Variants in EDNRA observed in about 807,000 individuals in gnomAD.
The protein encoded by EDNRA is endothelin-1 receptor.
Under a neutral mutation model 41.4 loss-of-function variants are expected in EDNRA, and 11 were observed. The observed-to-expected ratio is 0.27, with a 90% CI of 0.17 to 0.44. EDNRA has a LOEUF of 0.44. Among genes scored for constraint, EDNRA ranks in the 20% least tolerant of loss-of-function variants. The pLI, the probability that EDNRA is intolerant of heterozygous loss-of-function variation, is 1.00. For synonymous variants in EDNRA, 172 were observed against 183.0 expected (o/e 0.94, Z 0.49); for missense variants, 294 against 531.0 (o/e 0.55, Z 4.39).
chr4:147,516,314 T>C lies in EDNRA; in HGVS notation c.421-3537T>C, dbSNP rs188642672. ...ATGGCAGCCTCTCTTCAGCCTAGAC[T>C]CTTAAATAGCACAGTATTCTCCCAC... On this transcript the variant is annotated intron_variant, in intron 2 of 7. Transcript: ENST00000651419. 2.0e-5 allele frequency among the ~76,000 whole-genome samples: 3 copies of C among 152,362 alleles called. No homozygotes were observed. In the East Asian group the frequency reaches 5.8e-4, roughly 29 times the overall value.
intron 4 of EDNRA, among the ~76,000 whole-genome samples, chr4:147,533,839 G>A (rs1730830850): frequency 6.6e-6 from 1 of 152,184 alleles, no homozygotes; most frequent in Non-Finnish European, 1.5e-5. Flanking sequence ...GTTTCATAAA[G>A]ACTGTCTCCT....
chr4:147,517,345 A>T (rs1023046584), intron 2 of EDNRA, among the ~76,000 whole-genome samples: 6 of 152,180 alleles, frequency 3.9e-5, no homozygotes, highest in African/African-American at 1.4e-4. Context: ...CTTTGAATGT[A>T]GGACTGCTCC....
chr4:147,528,695 A>G (rs906536893), intron 3 of EDNRA, among the ~76,000 whole-genome samples: 6 of 152,124 alleles, frequency 3.9e-5, no homozygotes, highest in African/African-American at 1.4e-4. Flanking sequence ...AATAAATAGA[A>G]CATTGTTGGT....
At chr4:147,529,053 T>C (rs2126467776) in intron 3 of EDNRA, among the ~76,000 whole-genome samples, 1 of 152,350 alleles carries the variant, frequency 6.6e-6, no homozygotes, top group Non-Finnish European at 1.5e-5. Flanking sequence ...ATGGCAATCA[T>C]CAAGGCACTG....
chr4:147,500,288 T>A (rs1729469345), intron 2 of EDNRA, among the ~76,000 whole-genome samples: 1 of 152,232 alleles, frequency 6.6e-6, no homozygotes, highest in Admixed American at 6.5e-5. Flanking sequence ...AGAAAGGCCA[T>A]GTCTTAGACA....
In EDNRA at chr4:147,543,569, G is replaced by A. The variant is rs541312488; in HGVS notation, c.*951G>A. The A allele has an allele frequency of 2.0e-5, 3 of 152,176 alleles. No homozygotes were observed. Among genetic ancestry groups the A allele is most frequent in the South Asian group, 4.1e-4 (2 of 4,822 alleles). 9.4% of individuals were successfully genotyped at this position (152,176 alleles called of 1,614,324 possible). ...TGAGACTTTCAGTGCACTGTATATA[G>A]AAGTCTAAAACACACCTAAGAGAAA... On this transcript the variant is annotated 3_prime_UTR_variant, in exon 8 of 8. Coordinates refer to ENST00000651419, the MANE Select transcript of EDNRA (RefSeq NM_001957.4).
rs188759418 is a variant in EDNRA at position 147,485,803 on chromosome 4, G to A, written c.122G>A (p.Arg41His). The A allele has an allele frequency of 2.1e-5, 34 of 1,614,214 alleles. No homozygotes were observed. Among genetic ancestry groups the A allele is most frequent in the Admixed American group, 6.7e-5 (4 of 60,028 alleles). The change falls in exon 2 of 8, where the codon CGT (arginine) becomes CAT (histidine). Residue 41 changes from arginine to histidine, a missense_variant. Transcript: ENST00000651419. The stretch of plus-strand genomic sequence containing the variant: ...CATGTGGATGATTTCACCACTTTTC[G>A]TGGCACAGAGCTCAGCTTCCTGGTT... The part of the protein sequence containing the change: ...SNHVDDFTTF[R>H]GTELSFLVTT...
intron 2 of EDNRA, chr4:147,490,926 T>A (rs1346117478): frequency 6.6e-6 from 1 of 152,114 alleles, no homozygotes; most frequent in Non-Finnish European, 1.5e-5. Flanking sequence ...GATGTATGTA[T>A]GAGAGAGATG....
chr4:147,483,097 G>A (rs1728828415), intron 1 of EDNRA, among the ~76,000 whole-genome samples: 1 of 152,162 alleles, frequency 6.6e-6, no homozygotes, highest in Non-Finnish European at 1.5e-5. Flanking sequence ...TTTTCTCTTG[G>A]AGTCCTGGTG....
intron 2 of EDNRA, among the ~76,000 whole-genome samples, chr4:147,499,736 TGAA>T (rs1292758626): frequency 2.0e-5 from 3 of 151,554 alleles, no homozygotes; most frequent in Admixed American, 6.6e-5. Flanking sequence ...AAGGAGATGA[TGAA>T]GATTTTTCAT....
At position 147,543,979 on chromosome 4, in the gene EDNRA, T is replaced by C. The variant is rs1731201931; in HGVS notation, c.*1361T>C. 1 of 152,590 alleles carries C rather than the reference T, an allele frequency of 6.6e-6. No homozygotes were observed. Among genetic ancestry groups the C allele is most frequent in the Admixed American group, 6.5e-5 (1 of 15,268 alleles). 9.5% of individuals were successfully genotyped at this position (152,590 alleles called of 1,614,324 possible). On this transcript the variant is annotated 3_prime_UTR_variant, in exon 8 of 8. Coordinates refer to ENST00000651419, the MANE Select transcript of EDNRA (RefSeq NM_001957.4). Reference sequence around the variant, plus strand: ...ACTGTGAGTACAGCAGAAAATCTTTTACTAGTGTGTGTGTGTATATATATA... The same window carrying C: ...ACTGTGAGTACAGCAGAAAATCTTTCACTAGTGTGTGTGTGTATATATATA...
intron 3 of EDNRA, among the ~76,000 whole-genome samples, chr4:147,528,382 G>A (rs1312952599): frequency 6.4e-5 from 9 of 140,108 alleles, no homozygotes; most frequent in South Asian, 2.2e-4. Flanking sequence ...TTTTCAGACA[G>A]GGTCTTACTC....
At chr4:147,538,805 T>G (rs1172200325) in intron 5 of EDNRA, among the ~76,000 whole-genome samples, 2 of 152,202 alleles carry the variant, frequency 1.3e-5, no homozygotes, top group African/African-American at 4.8e-5. Context: ...GCCAATCATG[T>G]GAGTTTATTG....
intron 2 of EDNRA, among the ~76,000 whole-genome samples, chr4:147,507,118 A>G (rs1376916925): frequency 1.3e-5 from 2 of 152,276 alleles, no homozygotes; most frequent in Admixed American, 6.5e-5. Flanking sequence ...GAGCTGAGGT[A>G]GTACAGAATC....
At chr4:147,515,004 C>T (rs1403757995) in intron 2 of EDNRA, among the ~76,000 whole-genome samples, 1 of 152,152 alleles carries the variant, frequency 6.6e-6, no homozygotes, top group Non-Finnish European at 1.5e-5. Flanking sequence ...GGGGCCCAGC[C>T]ATCTGTGTTT....
intron 2 of EDNRA, among the ~76,000 whole-genome samples, chr4:147,508,266 G>A (rs1441593325): frequency 6.6e-6 from 1 of 152,140 alleles, no homozygotes; most frequent in African/African-American, 2.4e-5. Context: ...AGCTTCCAGA[G>A]TAGCTGGGAT....
chr4:147,531,459 G>C (rs1043253327), intron 3 of EDNRA, among the ~76,000 whole-genome samples: 8 of 152,162 alleles, frequency 5.3e-5, no homozygotes, highest in African/African-American at 1.9e-4. Flanking sequence ...AGGATATCTA[G>C]ACCCACTTCA....
intron 4 of EDNRA, among the ~76,000 whole-genome samples, chr4:147,532,985 ATGTG>A (rs113450165): frequency 2.4e-5 from 3 of 125,154 alleles, no homozygotes; most frequent in Non-Finnish European, 4.8e-5. Flanking sequence ...GAGGGACTAG[ATGTG>A]TGTGTGTGTG....
Position 147,485,795 on chromosome 4 carries a change from C to T in EDNRA, c.114C>T (p.Thr38=), listed in dbSNP as rs1030228533. The change falls in exon 2 of 8, where the codon ACC becomes ACT. Residue 38 remains threonine (T), a synonymous_variant. Transcript: ENST00000651419. ...TNLSNHVDDF[T]TFRGTELSFL... is the part of the protein sequence containing the mutation. ...TAAGCAATCATGTGGATGATTTCAC[C>T]ACTTTTCGTGGCACAGAGCTCAGCT... is the stretch of plus-strand genomic sequence containing the variant. 1 of 1,614,194 alleles carries T rather than the reference C, an allele frequency of 6.2e-7. No homozygotes were observed. Among genetic ancestry groups the T allele is most frequent in the South Asian group, 1.1e-5 (1 of 91,084 alleles).
Sources: gnomAD v4.1 joint callset for allele counts (sites outside exome capture counted in the v4.1 genomes callset) on GRCh38, gnomAD v4.1.1 for gene constraint, MANE v1.5 for transcripts, NCBI Gene and HGNC (gene_info 2026-07-23, HGNC 2026-07-21) for gene names.